CNIH1: variants seen among roughly 807,000 people sequenced by gnomAD.
CNIH1 encodes the protein cornichon family member 1, also known as protein cornichon homolog 1.
CNIH1 carries 12 observed loss-of-function variants against 20.2 expected under a neutral mutation model. The observed-to-expected ratio is 0.59, with a 90% CI of 0.38 to 0.96. The LOEUF (loss-of-function observed/expected upper bound fraction) is 0.96. CNIH1 is among the 40% of genes least tolerant of loss of function. The probability of loss-of-function intolerance (pLI) is 0.00; values close to 1 mark genes in which losing one functional copy is unlikely to be tolerated. For missense variants in CNIH1, 152 were observed against 178.8 expected (o/e 0.85, Z 0.85); for synonymous variants, 69 against 63.3 (o/e 1.09, Z -0.43).
At chr14:54,434,733 A>C (rs1286865616) in intron 2 of CNIH1, among the ~76,000 whole-genome samples, 2 of 152,214 alleles carry the variant, frequency 1.3e-5, no homozygotes, top group Non-Finnish European at 2.9e-5. Context: ...AACAGCTATC[A>C]AAAGGGGAAA....
chr14:54,439,552 C>CA lies in CNIH1; in HGVS notation c.81+1694_81+1695insT, dbSNP rs1555363559. Among the ~76,000 whole-genome samples the CA allele has an allele frequency of 3.9e-3, 578 of 146,812 alleles. 5 individuals carry two copies. The highest frequency in any genetic ancestry group is 0.013 in the African/African-American group (524 of 39,878). On this transcript the variant is annotated intron_variant, in intron 1 of 4. Transcript: ENST00000216416. The stretch of plus-strand genomic sequence containing the variant: ...ATGGAACCACACACTTTCTTTCTTT[C>CA]TTTTTTTTTGTTTTTTTTTTGAGAC...
intron 4 of CNIH1, among the ~76,000 whole-genome samples, chr14:54,429,349 C>T (rs1055513378): frequency 2.0e-5 from 3 of 152,190 alleles, no homozygotes; most frequent in African/African-American, 7.2e-5. Context: ...TGCTGAACGT[C>T]CCATGATATA....
At chr14:54,431,387 A>G (rs891741557) in intron 3 of CNIH1, among the ~76,000 whole-genome samples, 1 of 152,098 alleles carries the variant, frequency 6.6e-6, no homozygotes, top group African/African-American at 2.4e-5. Flanking sequence ...CGGCCTCCCA[A>G]AGTGCTGGGA....
intron 4 of CNIH1, among the ~76,000 whole-genome samples, chr14:54,429,279 G>A (rs1311944748): frequency 6.6e-6 from 1 of 152,172 alleles, no homozygotes; most frequent in East Asian, 1.9e-4. Flanking sequence ...AGACATTTTT[G>A]GTTGTCATGA....
At chr14:54,436,205 G>T (rs1440593237) in intron 2 of CNIH1, 164 bp downstream of exon 2, 2 of 706,824 alleles carry the variant, frequency 2.8e-6, no homozygotes, top group Admixed American at 4.1e-5. Flanking sequence ...ATTAATAATA[G>T]AATAGTCAAG....
chr14:54,441,275 G>T lies in CNIH1; in HGVS notation c.53C>A (p.Ala18Asp). 6.6e-7 allele frequency: 1 copy of T among 1,521,476 alleles called. No individual in the cohort carries two copies. The highest frequency in any genetic ancestry group is 1.4e-5 in the African/African-American group (1 of 70,020). The allele number at this position is 1,521,476 out of a possible 1,614,324, so 94.2% of individuals were successfully genotyped here. A position where few individuals can be genotyped will look rare whatever the true frequency, so the allele number is the denominator to read the frequency against. ...FCYMLALLLTAALIFFAIWHI... is the reference protein window; with the variant it reads ...FCYMLALLLTDALIFFAIWHI... ...CCAAATGGCGAAGAAGATGAGCGCG[G>T]CAGTGAGCAGCAGCGCCAGCATGTA... The change falls in exon 1 of 5, where the codon GCC (alanine) becomes GAC (aspartate). Residue 18 changes from alanine (A) to aspartate (D), a missense_variant. By Grantham distance (126) the Ala-to-Asp change is moderately radical (BLOSUM62 -2). Transcript: ENST00000216416.
chr14:54,435,847 T>C (rs548612928), intron 2 of CNIH1, among the ~76,000 whole-genome samples: 3 of 152,174 alleles, frequency 2.0e-5, no homozygotes, highest in East Asian at 1.9e-4. Flanking sequence ...TAATTTCACA[T>C]AGAAGTGCCT....
intron 1 of CNIH1, among the ~76,000 whole-genome samples, chr14:54,440,501 T>A (rs2031147831): frequency 6.6e-6 from 1 of 152,214 alleles, no homozygotes; most frequent in Admixed American, 6.5e-5. Context: ...AAATAAATAC[T>A]GCCCCAGAAA....
Position 54,425,711 on chromosome 14 carries a change from C to T in CNIH1, c.*2103G>A, listed in dbSNP as rs2030814798. 6.6e-6 allele frequency: 1 copy of T among 152,148 alleles called. No homozygotes were observed. The highest frequency in any genetic ancestry group is 1.5e-5 in the Non-Finnish European group (1 of 68,026). The allele number at this position is 152,148 out of a possible 1,614,324, so 9.4% of individuals were successfully genotyped here. On this transcript the variant is annotated 3_prime_UTR_variant, in exon 5 of 5. Transcript: ENST00000216416. The stretch of plus-strand genomic sequence containing the variant: ...TACATGCCTAGGAACTCACAAACTA[C>T]CACAAAGATGGGTGAAACTCCCTGT...
intron 1 of CNIH1, among the ~76,000 whole-genome samples, chr14:54,439,936 G>C (rs1025904233): frequency 1.3e-5 from 2 of 152,180 alleles, no homozygotes; most frequent in African/African-American, 4.8e-5. Context: ...TTCCATCAAA[G>C]CAGGGCTGAA....
chr14:54,436,169 A>G (rs1566717734), intron 2 of CNIH1, 200 bp downstream of exon 2: 2 of 705,704 alleles, frequency 2.8e-6, no homozygotes, highest in Middle Eastern at 2.3e-4. Flanking sequence ...GAATGTTAGT[A>G]TGACAGCTGA....
At chr14:54,433,841 AATAAAG>A (rs1306994982) in intron 2 of CNIH1, among the ~76,000 whole-genome samples, 1 of 152,176 alleles carries the variant, frequency 6.6e-6, no homozygotes, top group Non-Finnish European at 1.5e-5. Flanking sequence ...TAAAAGTGTT[AATAAAG>A]ATAATCTACA....
In CNIH1 at chr14:54,441,308, G is replaced by A; in HGVS notation, c.20C>T (p.Ala7Val). 1.3e-6 allele frequency: 2 copies of A among 1,517,130 alleles called. No individual in the cohort carries two copies. Among genetic ancestry groups the A allele is most frequent in the South Asian group, 1.2e-5 (1 of 80,856 alleles). The allele number at this position is 1,517,130 out of a possible 1,614,324, so 94.0% of individuals were successfully genotyped here. Reference protein sequence around the residue: MAFTFAAFCYMLALLLT... With the variant: MAFTFAVFCYMLALLLT... ...CAGCAGCGCCAGCATGTAGCAGAAG[G>A]CCGCGAACGTGAACGCCATGGCTGG... The change falls in exon 1 of 5, where the codon GCC (alanine) becomes GTC (valine). Residue 7 changes from alanine (A) to valine (V), a missense_variant. Physicochemically the swap from Ala to Val is moderately conservative, Grantham distance 64 (BLOSUM62 0). Coordinates refer to ENST00000216416, the MANE Select transcript of CNIH1 (RefSeq NM_005776.3).
chr14:54,430,071 G>T, intron 4 of CNIH1, 190 bp downstream of exon 4: 1 of 567,288 alleles, frequency 1.8e-6, no homozygotes, highest in Non-Finnish European at 3.1e-6. Flanking sequence ...CTGATGGCAG[G>T]CTGGTTTACT....
Position 54,430,472 on chromosome 14 carries a change from T to C in CNIH1, c.264-68A>G, listed in dbSNP as rs1164201498. Reference sequence around the variant, plus strand: ...AATGTTCAGATAAGAAAGCAGGTCTTTCTTCTAAAACATCTGTTACGAGAG... The same window carrying C: ...AATGTTCAGATAAGAAAGCAGGTCTCTCTTCTAAAACATCTGTTACGAGAG... On this transcript the variant is annotated intron_variant, in intron 3 of 4. Transcript: ENST00000216416. 7 of 1,474,736 alleles carry C rather than the reference T, an allele frequency of 4.7e-6. No individual in the cohort carries two copies. The African/African-American group carries it at 8.4e-5, about 18-fold the overall frequency. 91.4% of individuals were successfully genotyped at this position (1,474,736 alleles called of 1,614,324 possible). A position where few individuals can be genotyped will look rare whatever the true frequency, so the allele number is the denominator to read the frequency against.
At position 54,425,734 on chromosome 14, in the gene CNIH1, T is replaced by C. The variant is rs2030815207; in HGVS notation, c.*2080A>G. ...TACCACAAAGATGGGTGAAACTCCC[T>C]GTCAATCATCTTTGAGGAATCAGCT... On this transcript the variant is annotated 3_prime_UTR_variant, in exon 5 of 5. Coordinates refer to ENST00000216416, the MANE Select transcript of CNIH1 (RefSeq NM_005776.3). The C allele has an allele frequency of 6.6e-6, 1 of 152,222 alleles. No individual in the cohort carries two copies. The highest frequency in any genetic ancestry group is 2.4e-5 in the African/African-American group (1 of 41,458). 9.4% of individuals were successfully genotyped at this position (152,222 alleles called of 1,614,324 possible).
At chr14:54,436,766 T>A in intron 1 of CNIH1, 1 of 465,018 alleles carries the variant, frequency 2.2e-6, no homozygotes, top group African/African-American at 2.0e-5. Context: ...TTCAACTGTT[T>A]ATCCAAATTC....
intron 3 of CNIH1, 72 bp from the exon 4 acceptor site, chr14:54,430,476 T>C: frequency 7.0e-7 from 1 of 1,423,942 alleles, no homozygotes; most frequent in Non-Finnish European, 9.6e-7. Context: ...AGGTCTTTCT[T>C]CTAAAACATC....
intron 1 of CNIH1, among the ~76,000 whole-genome samples, chr14:54,438,492 C>G (rs892414598): frequency 6.6e-6 from 1 of 152,160 alleles, no homozygotes; most frequent in Non-Finnish European, 1.5e-5. Context: ...ATTCAGAATA[C>G]CTTCCAATTT....
Sources: gnomAD v4.1 joint callset for allele counts (sites outside exome capture counted in the v4.1 genomes callset) on GRCh38, gnomAD v4.1.1 for gene constraint, MANE v1.5 for transcripts, NCBI Gene and HGNC (gene_info 2026-07-23, HGNC 2026-07-21) for gene names.